Variants in DSCC1 observed in about 807,000 individuals in gnomAD.
DSCC1 encodes the protein DNA replication and sister chromatid cohesion 1.
In DSCC1, 32 loss-of-function variants were observed where a neutral mutation model predicts 48.2. The ratio of observed to expected loss-of-function variants is 0.66; its 90% CI spans 0.50 to 0.89. The LOEUF (loss-of-function observed/expected upper bound fraction) is 0.89, where lower values mean the gene tolerates loss of function less well. DSCC1 is among the 40% of genes least tolerant of loss of function. DSCC1 has a pLI of 0.00. For synonymous variants in DSCC1, 150 were observed against 171.5 expected, an observed-to-expected ratio of 0.87 and a Z score of 0.98; for missense variants, 421 against 471.7, an observed-to-expected ratio of 0.89 and a Z score of 1.00.
At chr8:119,841,456 C>T (rs552185542) in intron 7 of DSCC1, among the ~76,000 whole-genome samples, 20 of 151,928 alleles carry the variant, frequency 1.3e-4, no homozygotes, top group African/African-American at 2.7e-4. Flanking sequence ...TGGTGAGAAA[C>T]GGAACAAAAT....
At position 119,853,152 on chromosome 8, in the gene DSCC1, G is replaced by C. The variant is rs778829056; in HGVS notation, c.246C>G (p.Asp82Glu). 1.2e-6 allele frequency: 2 copies of C among 1,613,962 alleles called. No individual in the cohort carries two copies. Among genetic ancestry groups the C allele is most frequent in the Non-Finnish European group, 1.7e-6 (2 of 1,180,004 alleles). Reference sequence around the variant, plus strand: ...TATTGGAAGTGTCTGCTATCTTCAAGTCGTATGTTTTGTCTTTACTGCACA... The same window carrying C: ...TATTGGAAGTGTCTGCTATCTTCAACTCGTATGTTTTGTCTTTACTGCACA... The part of the protein sequence containing the change: ...AVLCSKDKTY[D>E]LKIADTSNML... The change falls in exon 2 of 9, where the codon GAC becomes GAG. Residue 82 changes from aspartate (D) to glutamate (E), a missense_variant. Coordinates refer to ENST00000313655, the MANE Select transcript of DSCC1 (RefSeq NM_024094.3).
Position 119,853,041 on chromosome 8 carries a change from G to C in DSCC1, c.351+6C>G. The C allele has an allele frequency of 6.3e-7, 1 of 1,598,334 alleles. No individual in the cohort carries two copies. ...CTTTTATAAATCAGAGTACAGAAAA[G>C]AGCACCTCAGTGTGAATAATGTTAC... On this transcript the variant is annotated splice_donor_region_variant and intron_variant, in intron 2 of 8. Transcript: ENST00000313655.
chr8:119,852,963 A>C, intron 2 of DSCC1, 84 bp downstream of exon 2: 1 of 1,270,780 alleles, frequency 7.9e-7, no homozygotes, highest in Non-Finnish European at 1.0e-6. Flanking sequence ...TAGATTTTAC[A>C]CGTAAACTTT....
chr8:119,853,059 A>G lies in DSCC1; in HGVS notation c.339T>C (p.Ile113=). The change falls in exon 2 of 9, where the codon ATT becomes ATC. Residue 113 remains isoleucine, a synonymous_variant. Coordinates refer to ENST00000313655, the MANE Select transcript of DSCC1 (RefSeq NM_024094.3). ...CAGAAAAGAGCACCTCAGTGTGAAT[A>G]ATGTTACAGTGTGAATCTTCCTTCT... is the stretch of plus-strand genomic sequence containing the variant. ...QLKKEDSHCN[I]IHTEIFGFSN... The G allele has an allele frequency of 6.2e-7, 1 of 1,611,154 alleles. No individual in the cohort carries two copies.
intron 7 of DSCC1, chr8:119,838,655 G>C (rs1826721343): frequency 3.1e-6 from 1 of 322,712 alleles, no homozygotes; most frequent in Non-Finnish European, 5.5e-6. Context: ...TGGTTCTAAA[G>C]GTCACCAGTA....
intron 8 of DSCC1, among the ~76,000 whole-genome samples, chr8:119,837,399 G>A (rs988992214): frequency 6.6e-6 from 1 of 152,196 alleles, no homozygotes; most frequent in Non-Finnish European, 1.5e-5. Context: ...CAGTGGGAAA[G>A]AAGGTTGTTC....
intron 4 of DSCC1, among the ~76,000 whole-genome samples, chr8:119,846,222 T>C (rs577813781): frequency 6.6e-6 from 1 of 150,802 alleles, no homozygotes; most frequent in South Asian, 2.1e-4. Context: ...CAAGGGATTC[T>C]CCTGCCTCAG....
chr8:119,834,241 T>C lies in DSCC1; in HGVS notation c.*652A>G, dbSNP rs530646061. On this transcript the variant is annotated 3_prime_UTR_variant, in exon 9 of 9. Coordinates refer to ENST00000313655, the MANE Select transcript of DSCC1 (RefSeq NM_024094.3). The stretch of plus-strand genomic sequence containing the variant: ...GGAAAATAAAGCTGTAAAGGAACTT[T>C]ATCAAGCATTCCAAAACCAACTAGA... The C allele has an allele frequency of 1.3e-5, 2 of 152,392 alleles. No individual in the cohort carries two copies. The highest frequency in any genetic ancestry group is 4.1e-4 in the South Asian group (2 of 4,832). 9.4% of individuals were successfully genotyped at this position (152,392 alleles called of 1,614,324 possible).
chr8:119,845,646 TAA>T lies in DSCC1; in HGVS notation c.577+1342_577+1343del, dbSNP rs11370354. ...TAAAATGCATGGTTTCATTTGCCTTTAAAAAAAAAAAAAGCTTTAGGGCTGGG... is the reference window on the plus strand; with the variant it reads ...TAAAATGCATGGTTTCATTTGCCTTTAAAAAAAAAAAGCTTTAGGGCTGGG... On this transcript the variant is annotated intron_variant, in intron 4 of 8. Transcript: ENST00000313655. 9.0e-5 allele frequency among the ~76,000 whole-genome samples: 13 copies of T among 144,034 alleles called. No individual in the cohort carries two copies. In the South Asian group the frequency reaches 2.0e-3, roughly 22 times the overall value. 94.5% of individuals were successfully genotyped at this position (144,034 alleles called of 152,430 possible). A position where few individuals can be genotyped will look rare whatever the true frequency, so the allele number is the denominator to read the frequency against.
intron 4 of DSCC1, 52 bp downstream of exon 4, chr8:119,846,938 C>A: frequency 6.5e-7 from 1 of 1,534,968 alleles, no homozygotes; most frequent in South Asian, 1.1e-5. Context: ...AAACTTCTCT[C>A]CCTTATGATG....
At chr8:119,851,707 C>A (rs1291445257) in intron 2 of DSCC1, among the ~76,000 whole-genome samples, 1 of 152,050 alleles carries the variant, frequency 6.6e-6, no homozygotes, top group Non-Finnish European at 1.5e-5. Flanking sequence ...TGCTGTAGAC[C>A]CAACCACTCC....
At chr8:119,844,125 T>C (rs1046732644) in intron 4 of DSCC1, among the ~76,000 whole-genome samples, 23 of 151,834 alleles carry the variant, frequency 1.5e-4, no homozygotes, top group African/African-American at 5.6e-4. Flanking sequence ...AGTCACAGCA[T>C]ACTTTTGCTC....
intron 5 of DSCC1, among the ~76,000 whole-genome samples, chr8:119,843,128 T>A (rs976027430): frequency 3.3e-5 from 5 of 151,398 alleles, no homozygotes; most frequent in Admixed American, 1.3e-4. Flanking sequence ...TATTTTTTTT[T>A]TTTTTTTGAG....
chr8:119,834,872 G>C lies in DSCC1; in HGVS notation c.*21C>G, dbSNP rs1341245804. 1 of 1,507,590 alleles carries C rather than the reference G, an allele frequency of 6.6e-7. No individual in the cohort carries two copies. Among genetic ancestry groups the C allele is most frequent in the African/African-American group, 1.4e-5 (1 of 72,260 alleles). 93.4% of individuals were successfully genotyped at this position (1,507,590 alleles called of 1,614,324 possible). On this transcript the variant is annotated 3_prime_UTR_variant, in exon 9 of 9. Coordinates refer to ENST00000313655, the MANE Select transcript of DSCC1 (RefSeq NM_024094.3). The stretch of plus-strand genomic sequence containing the variant: ...AACTTTATAAAGCAACTTGAGTCCT[G>C]AAGAAAAGACCGTTGTTCTTTTAAG...
rs142256004 is a variant in DSCC1, at chr8:119,853,411, C to G, written c.183-196G>C. 2.1e-3 allele frequency among the ~76,000 whole-genome samples: 327 copies of G among 152,280 alleles called. 1 individual carries two copies. Among genetic ancestry groups the G allele is most frequent in the African/African-American group, 7.5e-3 (312 of 41,548 alleles). On this transcript the variant is annotated intron_variant, in intron 1 of 8. Coordinates refer to ENST00000313655, the MANE Select transcript of DSCC1 (RefSeq NM_024094.3). ...CTGAGAGCCACACAGACGCCCCACC[C>G]AGAGCCTCATTAAGGAAAAATAATT...
chr8:119,855,651 C>G lies in DSCC1; in HGVS notation c.145G>C (p.Glu49Gln), dbSNP rs1033141912. ...AAGDFCLLEL[E>Q]PTLCQQLEDG... is the part of the protein sequence containing the mutation. ...TCCAGCTGCTGGCACAGCGTGGGCTCCAGCTCCAGCAGGCAGAAGTCGCCG... is the reference window on the plus strand; with the variant it reads ...TCCAGCTGCTGGCACAGCGTGGGCTGCAGCTCCAGCAGGCAGAAGTCGCCG... The change falls in exon 1 of 9, where the codon GAG becomes CAG. Residue 49 changes from glutamate to glutamine, a missense_variant. Transcript: ENST00000313655. The G allele has an allele frequency of 6.5e-7, 1 of 1,547,386 alleles. No individual in the cohort carries two copies. The highest frequency in any genetic ancestry group is 8.7e-7 in the Non-Finnish European group (1 of 1,146,666).
At chr8:119,852,510 C>T (rs192972704) in intron 2 of DSCC1, among the ~76,000 whole-genome samples, 22 of 152,208 alleles carry the variant, frequency 1.4e-4, no homozygotes, top group South Asian at 2.1e-4. Flanking sequence ...CACGCCACCA[C>T]GCTTGGCTAA....
intron 2 of DSCC1, among the ~76,000 whole-genome samples, chr8:119,852,084 C>T (rs1826949480): frequency 6.6e-6 from 1 of 152,162 alleles, no homozygotes; most frequent in Non-Finnish European, 1.5e-5. Context: ...ACTGGAGCTT[C>T]CCAGCATTTT....
chr8:119,842,940 G>A (rs1254332187), intron 5 of DSCC1, 112 bp from the exon 6 acceptor site: 7 of 854,380 alleles, frequency 8.2e-6, no homozygotes, highest in Middle Eastern at 2.3e-4. Context: ...CAAATACTAA[G>A]TGATTTTGGT....
Sources: gnomAD v4.1 joint callset for allele counts (sites outside exome capture counted in the v4.1 genomes callset) on GRCh38, gnomAD v4.1.1 for gene constraint, MANE v1.5 for transcripts, NCBI Gene and HGNC (gene_info 2026-07-23, HGNC 2026-07-21) for gene names.